The following ZFHX3 variants were observed in gnomAD, a reference collection of about 807,000 sequenced individuals.
The protein encoded by ZFHX3 is zinc finger homeobox 3.
Under a neutral mutation model 279.1 loss-of-function variants are expected in ZFHX3, and 42 were observed. The ratio of observed to expected loss-of-function variants is 0.15; its 90% CI spans 0.12 to 0.19. The LOEUF is 0.19. ZFHX3 is among the 10% of genes least tolerant of loss of function. The pLI, the probability that ZFHX3 is intolerant of heterozygous loss-of-function variation, is 1.00. For synonymous variants in ZFHX3, 2,293 were observed against 1,957.8 expected, an observed-to-expected ratio of 1.17 and a Z score of -4.52; for missense variants, 4,981 against 4,754.0, an observed-to-expected ratio of 1.05 and a Z score of -1.40.
In ZFHX3 at chr16:72,787,222, G is replaced by C; in HGVS notation, c.11054C>G (p.Pro3685Arg). The stretch of plus-strand genomic sequence containing the variant: ...CAGACCACTGTCCTTGGGGCAGCTG[G>C]GGTCTTTGGGACCCTCCACCGGGCT... ...PASPVEGPKD[P>R]SCPKDSGLTS... The change falls in exon 10 of 10, where the codon CCC becomes CGC. Residue 3685 changes from proline (P) to arginine (R), a missense_variant. Pro to Arg is a moderately radical substitution (Grantham distance 103). This residue lies in a region of ZFHX3 where 1,034 missense variants were observed against 786.0 expected (regional missense o/e 1.32). Transcript: ENST00000268489. 6.2e-7 allele frequency: 1 copy of C among 1,613,862 alleles called. No individual in the cohort carries two copies. Among genetic ancestry groups the C allele is most frequent in the East Asian group, 2.2e-5 (1 of 44,846 alleles).
chr16:73,442,703 T>C (rs2018115577), intron 3 of ZFHX3, among the ~76,000 whole-genome samples: 1 of 152,186 alleles, frequency 6.6e-6, no homozygotes, highest in African/African-American at 2.4e-5. Flanking sequence ...CCCTCTTCTC[T>C]TTCCTCACAG....
At chr16:73,783,947 A>T (rs569794477) in intron 1 of ZFHX3, among the ~76,000 whole-genome samples, 3 of 152,108 alleles carry the variant, frequency 2.0e-5, no homozygotes, top group Non-Finnish European at 4.4e-5. Context: ...GTTCCTAAGA[A>T]CAGGAACCTG....
At position 73,884,543 on chromosome 16, in the gene ZFHX3, T is replaced by C. The variant is rs562021955; in HGVS notation, c.-1608+7108A>G. Among the ~76,000 whole-genome samples, 10 of 152,314 alleles carry C rather than the reference T, an allele frequency of 6.6e-5. No individual in the cohort carries two copies. The South Asian group carries it at 1.9e-3, about 28-fold the overall frequency. On this transcript the variant is annotated intron_variant, in intron 1 of 17. Coordinates refer to the ZFHX3 transcript ENST00000641206. ...TTTAATTAAATTGTTTGTTTTGGAT[T>C]CAAAAGCACTTTGTTCATTCAGCCC...
chr16:73,705,070 C>T (rs1774352242), intron 1 of ZFHX3, among the ~76,000 whole-genome samples: 1 of 152,052 alleles, frequency 6.6e-6, no homozygotes, highest in South Asian at 2.1e-4. Flanking sequence ...AATAGTATTT[C>T]CGACTCACAA....
chr16:73,491,565 C>T (rs1166097424), intron 2 of ZFHX3, among the ~76,000 whole-genome samples: 1 of 152,206 alleles, frequency 6.6e-6, no homozygotes, highest in Non-Finnish European at 1.5e-5. Context: ...AGTCAATATT[C>T]ATTACGTGTG....
intron 3 of ZFHX3, among the ~76,000 whole-genome samples, chr16:73,323,761 C>G (rs1270404101): frequency 6.6e-6 from 1 of 152,128 alleles, no homozygotes; most frequent in East Asian, 1.9e-4. Flanking sequence ...CCTCTAAGAC[C>G]AGTGAAGACT....
rs145785032 is a variant in ZFHX3, at chr16:72,837,286, A to C, written c.3449-7427T>G. On this transcript the variant is annotated intron_variant, in intron 4 of 9. Transcript: ENST00000268489. ...TAATGCTCCTACAGGTAATTTTCCC[A>C]CCCTGGTGGCTTACCAAAACAAAGT... Among the ~76,000 whole-genome samples the C allele has an allele frequency of 5.0e-4, 76 of 152,236 alleles. No homozygotes were observed. In the South Asian group the frequency reaches 8.3e-3, roughly 17 times the overall value.
intron 2 of ZFHX3, among the ~76,000 whole-genome samples, chr16:73,569,910 G>C (rs2051716719): frequency 1.3e-5 from 2 of 152,078 alleles, no homozygotes; most frequent in Admixed American, 6.5e-5. Context: ...ACTGTAAAGG[G>C]CAACCACCCG....
chr16:73,133,741 G>C (rs1293934520), intron 6 of ZFHX3, among the ~76,000 whole-genome samples: 3 of 152,072 alleles, frequency 2.0e-5, no homozygotes, highest in African/African-American at 4.8e-5. Flanking sequence ...TGGTATTTTG[G>C]GGGTTCCTGT....
intron 5 of ZFHX3, among the ~76,000 whole-genome samples, chr16:72,814,609 CT>C (rs11295655): frequency 0.74 from 105,045 of 142,580 alleles, 38,482 homozygotes; most frequent in East Asian, 0.89. Context: ...AGGGGAACTT[CT>C]TTTTTTTTTT....
At chr16:73,290,767 C>G (rs1186917115) in intron 4 of ZFHX3, among the ~76,000 whole-genome samples, 5 of 152,186 alleles carry the variant, frequency 3.3e-5, no homozygotes, top group Admixed American at 3.3e-4. Context: ...CTTCGCAGAG[C>G]CAGCAGCCTC....
chr16:72,787,365 TGAG>T lies in ZFHX3; in HGVS notation c.10908_10910del (p.Ser3639del), dbSNP rs769967652. The T allele has an allele frequency of 1.4e-5, 23 of 1,609,608 alleles. No individual in the cohort carries two copies. Among genetic ancestry groups the T allele is most frequent in the South Asian group, 1.3e-4 (12 of 90,778 alleles). On this transcript the variant is annotated inframe_deletion, in exon 10 of 10. Coordinates refer to ENST00000268489, the MANE Select transcript of ZFHX3 (RefSeq NM_006885.4). Reference sequence around the variant, plus strand: ...ATGAACTTGAGGTAACCGTTGAAGATGAGGAGAGAGGAGGAAAAGAAGGGGGCT... The same window carrying T: ...ATGAACTTGAGGTAACCGTTGAAGATGAGAGAGGAGGAAAAGAAGGGGGCT...
intron 4 of ZFHX3, among the ~76,000 whole-genome samples, chr16:72,844,519 C>T (rs1459690582): frequency 6.6e-6 from 1 of 151,876 alleles, no homozygotes; most frequent in Non-Finnish European, 1.5e-5. Flanking sequence ...ACAGACCTCA[C>T]ATTCCAGGAA....
chr16:72,804,034 A>G (rs2036191901), intron 7 of ZFHX3, among the ~76,000 whole-genome samples: 1 of 152,252 alleles, frequency 6.6e-6, no homozygotes, highest in South Asian at 2.1e-4. Flanking sequence ...TTGGAAGCCA[A>G]CAGTGGCTCT....
chr16:72,829,898 A>G (rs377031867), intron 4 of ZFHX3, 39 bp from the exon 5 acceptor site: 57 of 1,611,478 alleles, frequency 3.5e-5, no homozygotes, highest in Admixed American at 1.0e-4. Flanking sequence ...TTAAAAATAA[A>G]AAGAAGATGA....
chr16:73,731,676 GAA>G (rs1468585060), intron 1 of ZFHX3, among the ~76,000 whole-genome samples: 1 of 151,950 alleles, frequency 6.6e-6, no homozygotes, highest in African/African-American at 2.4e-5. Flanking sequence ...AACTCCTTAA[GAA>G]AAGTTTCTGA....
chr16:72,912,066 A>C (rs11861250), intron 3 of ZFHX3, among the ~76,000 whole-genome samples: 2,657 of 152,338 alleles, frequency 0.017, 85 homozygotes, highest in African/African-American at 0.061. Context: ...GGGAGGATAA[A>C]AGGCGAGGCA....
At chr16:72,946,955 A>G (rs780366298) in intron 3 of ZFHX3, among the ~76,000 whole-genome samples, 6 of 152,230 alleles carry the variant, frequency 3.9e-5, no homozygotes, top group Non-Finnish European at 5.9e-5. Flanking sequence ...CAGATGTGAC[A>G]CTAAGGACAG....
At chr16:73,399,660 C>T (rs534767144) in intron 3 of ZFHX3, among the ~76,000 whole-genome samples, 4 of 152,286 alleles carry the variant, frequency 2.6e-5, no homozygotes, top group African/African-American at 9.6e-5. Flanking sequence ...GTGGTTACCT[C>T]CACTGCCTCC....
Sources: gnomAD v4.1 joint callset for allele counts (sites outside exome capture counted in the v4.1 genomes callset) on GRCh38, gnomAD v4.1.1 for gene constraint, gnomAD v4.1.1 regional missense constraint, MANE v1.5 for transcripts, NCBI Gene and HGNC (gene_info 2026-07-23, HGNC 2026-07-21) for gene names.